The following ZUP1 variants were observed in gnomAD, a reference collection of about 807,000 sequenced individuals.
The protein encoded by ZUP1 is zinc finger-containing ubiquitin peptidase 1.
In ZUP1, 55 loss-of-function variants were observed where a neutral mutation model predicts 68.1. The ratio of observed to expected loss-of-function variants is 0.81; its 90% confidence interval spans 0.65 to 1.01. The LOEUF (loss-of-function observed/expected upper bound fraction) is 1.01, where lower values mean the gene tolerates loss of function less well. Among genes scored for constraint, ZUP1 ranks in the 50% least tolerant of loss-of-function variants. The probability of loss-of-function intolerance (pLI) is 0.00; values close to 1 mark genes in which losing one functional copy is unlikely to be tolerated. For synonymous variants in ZUP1, 223 were observed against 221.5 expected (o/e 1.01, Z -0.06); for missense variants, 684 against 674.9 (o/e 1.01, Z -0.15).
intron 1 of ZUP1, 76 bp from the exon 2 acceptor site, chr6:116,667,283 C>G (rs1293764889): frequency 9.7e-7 from 1 of 1,028,566 alleles, no homozygotes; most frequent in African/African-American, 1.6e-5. Flanking sequence ...GAGACAATTA[C>G]TTGGTCTTTA....
chr6:116,646,776 A>G (rs1034717529), intron 8 of ZUP1, among the ~76,000 whole-genome samples: 2 of 152,132 alleles, frequency 1.3e-5, no homozygotes, highest in Non-Finnish European at 2.9e-5. Flanking sequence ...GGGTCTCACT[A>G]TGTCACTCAG....
intron 8 of ZUP1, chr6:116,646,153 AC>A (rs554219126): frequency 2.1e-4 from 81 of 386,820 alleles, no homozygotes; most frequent in African/African-American, 1.3e-3. Flanking sequence ...ACCAAAAAAA[AC>A]ATTTTTATTC....
Position 116,666,676 on chromosome 6 carries a change from C to A in ZUP1, c.517G>T (p.Val173Leu). 1.3e-6 allele frequency: 2 copies of A among 1,599,938 alleles called. No homozygotes were observed. Among genetic ancestry groups the A allele is most frequent in the African/African-American group, 2.7e-5 (2 of 74,308 alleles). ...AAAAGATTGGCATGCTTTGTTTTCA[C>A]ATGAGTTTCCATATCTTCACTGTGC... ...EEHSEDMETH[V>L]KTKHANLLDI... The change falls in exon 2 of 10, where the codon GTG (valine) becomes TTG (leucine). Residue 173 changes from valine (V) to leucine (L), a missense_variant. Coordinates refer to ENST00000368576, the MANE Select transcript of ZUP1 (RefSeq NM_145062.3).
rs1475311251 is a variant in ZUP1 at position 116,652,210 on chromosome 6, T to A, written c.962-18A>T. 39 of 1,598,928 alleles carry A rather than the reference T, an allele frequency of 2.4e-5. No homozygotes were observed. The highest frequency in any genetic ancestry group is 3.2e-5 in the Non-Finnish European group (38 of 1,171,342). Reference sequence around the variant, plus strand: ...AATAATTCCTAAAGTAGAAAAGAGATTCAGAAGCAGTCATTATCACCTTTA... The same window carrying A: ...AATAATTCCTAAAGTAGAAAAGAGAATCAGAAGCAGTCATTATCACCTTTA... On this transcript the variant is annotated intron_variant, in intron 5 of 9. Transcript: ENST00000368576.
chr6:116,639,352 C>T (rs1446463323), intron 9 of ZUP1, among the ~76,000 whole-genome samples: 1 of 152,244 alleles, frequency 6.6e-6, no homozygotes, highest in Admixed American at 6.5e-5. Context: ...CCCCAGCACA[C>T]AGCTGGAGAT....
chr6:116,638,822 C>T (rs1462563897), intron 9 of ZUP1, among the ~76,000 whole-genome samples: 1 of 152,158 alleles, frequency 6.6e-6, no homozygotes, highest in African/African-American at 2.4e-5. Flanking sequence ...CTAGGGAGTG[C>T]CAGACAGTGG....
At chr6:116,652,245 C>T in intron 5 of ZUP1, 53 bp from the exon 6 acceptor site, 1 of 1,412,916 alleles carries the variant, frequency 7.1e-7, no homozygotes, top group Non-Finnish European at 9.7e-7. Flanking sequence ...ATATTGCTAT[C>T]TCATACATTT....
chr6:116,664,998 T>G (rs1301011620), intron 2 of ZUP1, among the ~76,000 whole-genome samples: 1 of 152,094 alleles, frequency 6.6e-6, no homozygotes, highest in Non-Finnish European at 1.5e-5. Flanking sequence ...TAAAGAATAC[T>G]TTTTTAGACA....
rs1280357063 is a variant in ZUP1, at chr6:116,666,819, T to G, written c.374A>C (p.Glu125Ala). The G allele has an allele frequency of 6.2e-7, 1 of 1,612,774 alleles. No individual in the cohort carries two copies. Among genetic ancestry groups the G allele is most frequent in the South Asian group, 1.1e-5 (1 of 90,688 alleles). ...HEGFYSENLTESRKFLKSREK... is the reference protein window; with the variant it reads ...HEGFYSENLTASRKFLKSREK... ...CCTACTTTTCAGGAATTTTCTAGAT[T>G]CAGTTAAGTTCTCTGAATAGAAGCC... is the stretch of plus-strand genomic sequence containing the variant. The change falls in exon 2 of 10, where the codon GAA becomes GCA. Residue 125 changes from glutamate (E) to alanine (A), a missense_variant. Physicochemically the swap from Glu to Ala is moderately radical, Grantham distance 107. Coordinates refer to ENST00000368576, the MANE Select transcript of ZUP1 (RefSeq NM_145062.3).
intron 2 of ZUP1, among the ~76,000 whole-genome samples, chr6:116,662,177 C>T (rs1776863207): frequency 1.3e-5 from 2 of 152,302 alleles, no homozygotes; most frequent in South Asian, 4.1e-4. Flanking sequence ...TATACAGCTT[C>T]CATAAGTAAT....
At chr6:116,645,574 C>A (rs1202206826) in intron 9 of ZUP1, 140 bp downstream of exon 9, 14 of 643,452 alleles carry the variant, frequency 2.2e-5, no homozygotes, top group East Asian at 5.9e-5. Context: ...CAGAGTGAGA[C>A]CCTGTCTCCA....
chr6:116,651,472 A>T, intron 7 of ZUP1, 100 bp downstream of exon 7: 1 of 1,048,208 alleles, frequency 9.5e-7, no homozygotes, highest in Non-Finnish European at 1.3e-6. Context: ...AGTGCTACTT[A>T]ATTTTATTTT....
chr6:116,647,232 G>A (rs1481960649), intron 8 of ZUP1, among the ~76,000 whole-genome samples: 2 of 151,996 alleles, frequency 1.3e-5, no homozygotes, highest in Non-Finnish European at 2.9e-5. Flanking sequence ...GGTGGCAGGC[G>A]CCTGTAATCC....
Position 116,667,091 on chromosome 6 carries a change from G to C in ZUP1, c.102C>G (p.Cys34Trp). 1 of 1,613,644 alleles carries C rather than the reference G, an allele frequency of 6.2e-7. No individual in the cohort carries two copies. ...HMESEIICPF[C>W]KLSGVNYDEM... is the part of the protein sequence containing the mutation. The stretch of plus-strand genomic sequence containing the variant: ...CATCATAATTCACACCTGACAACTT[G>C]CAAAATGGACATATAATTTCACTTT... Residue 34 changes from cysteine to tryptophan, a missense_variant, in exon 2 of 10, where the codon TGC (cysteine) becomes TGG (tryptophan). Physicochemically the swap from Cys to Trp is radical, Grantham distance 215. Transcript: ENST00000368576.
rs556757453 is a variant in ZUP1, at chr6:116,642,907, G to A, written c.1689+2807C>T. On this transcript the variant is annotated intron_variant, in intron 9 of 9. Transcript: ENST00000368576. ...AGAGGAAGTCAAATTGTCCCTGTTTGCAGATGACATGATTGTACATCTAGA... is the reference window on the plus strand; with the variant it reads ...AGAGGAAGTCAAATTGTCCCTGTTTACAGATGACATGATTGTACATCTAGA... Among the ~76,000 whole-genome samples, 5 of 152,326 alleles carry A rather than the reference G, an allele frequency of 3.3e-5. No homozygotes were observed. The South Asian group carries it at 1.0e-3, about 32-fold the overall frequency.
At chr6:116,664,055 G>T (rs191477229) in intron 2 of ZUP1, among the ~76,000 whole-genome samples, 1 of 152,258 alleles carries the variant, frequency 6.6e-6, no homozygotes, top group Non-Finnish European at 1.5e-5. Context: ...TTTCTTAGAT[G>T]AGAGGGAAAA....
At chr6:116,665,656 T>G (rs1241692567) in intron 2 of ZUP1, among the ~76,000 whole-genome samples, 1 of 148,486 alleles carries the variant, frequency 6.7e-6, no homozygotes, top group Non-Finnish European at 1.5e-5. Context: ...CATGGCTCAC[T>G]GCAGCGTCCA....
At chr6:116,657,526 T>C (rs1158483510) in intron 4 of ZUP1, among the ~76,000 whole-genome samples, 1 of 152,202 alleles carries the variant, frequency 6.6e-6, no homozygotes, top group African/African-American at 2.4e-5. Context: ...TTTGCAAGTA[T>C]TGTGAGTCAC....
intron 2 of ZUP1, among the ~76,000 whole-genome samples, chr6:116,664,148 AGCCTGG>A (rs1255876669): frequency 6.6e-6 from 1 of 152,016 alleles, no homozygotes; most frequent in East Asian, 1.9e-4. Context: ...AAACAACACA[AGCCTGG>A]GCGCGGTGGC....
Sources: allele counts gnomAD v4.1 joint callset (sites outside exome capture counted in the v4.1 genomes callset), GRCh38; gene constraint gnomAD v4.1.1; transcripts MANE v1.5; gene names NCBI Gene and HGNC (gene_info 2026-07-23, HGNC 2026-07-21).